Variants in SETBP1 observed in about 807,000 individuals in gnomAD.
SETBP1 encodes SET binding protein 1, also known as SET-binding protein.
In SETBP1, 9 loss-of-function variants were observed where a neutral mutation model predicts 101.0. That is an observed-to-expected ratio of 0.09 (90% CI 0.05 to 0.16). The LOEUF (loss-of-function observed/expected upper bound fraction) is 0.16. Among genes scored for constraint, SETBP1 ranks in the 10% least tolerant of loss-of-function variants. The probability of loss-of-function intolerance (pLI) is 1.00; values close to 1 mark genes in which losing one functional copy is unlikely to be tolerated. For synonymous variants in SETBP1, 818 were observed against 788.5 expected, an observed-to-expected ratio of 1.04 and a Z score of -0.63; for missense variants, 1,858 against 2,033.8, an observed-to-expected ratio of 0.91 and a Z score of 1.66.
intron 2 of SETBP1, among the ~76,000 whole-genome samples, chr18:44,852,100 A>G (rs546658836): frequency 9.8e-5 from 15 of 152,374 alleles, no homozygotes; most frequent in African/African-American, 3.6e-4. Flanking sequence ...ATTAAATGGG[A>G]CAGCAGCTGC....
At chr18:44,697,870 G>T (rs1019567347) in intron 1 of SETBP1, among the ~76,000 whole-genome samples, 9 of 152,190 alleles carry the variant, frequency 5.9e-5, no homozygotes, top group African/African-American at 2.2e-4. Flanking sequence ...TTATTCATTT[G>T]TTTATTCATT....
intron 4 of SETBP1, among the ~76,000 whole-genome samples, chr18:44,964,710 A>C (rs2071683920): frequency 1.3e-5 from 2 of 152,138 alleles, no homozygotes; most frequent in African/African-American, 4.8e-5. Flanking sequence ...ACAGGTCCCC[A>C]GCTGATGGTA....
At chr18:44,851,967 G>A (rs902711227) in intron 2 of SETBP1, among the ~76,000 whole-genome samples, 7 of 152,154 alleles carry the variant, frequency 4.6e-5, no homozygotes, top group African/African-American at 4.8e-5. Flanking sequence ...CCAGGCTCAC[G>A]GCCTTCCACG....
At chr18:45,056,908 T>C (rs777022036) in intron 5 of SETBP1, among the ~76,000 whole-genome samples, 35 of 152,164 alleles carry the variant, frequency 2.3e-4, no homozygotes, top group Non-Finnish European at 4.6e-4. Flanking sequence ...GCAACTAAGA[T>C]AAAAAGTTCT....
At chr18:44,923,840 C>T (rs1466874134) in intron 3 of SETBP1, among the ~76,000 whole-genome samples, 1 of 152,172 alleles carries the variant, frequency 6.6e-6, no homozygotes, top group African/African-American at 2.4e-5. Context: ...TTCCTCCTGA[C>T]AGTGCCCTAA....
chr18:44,857,319 A>T (rs1466462255), intron 2 of SETBP1, among the ~76,000 whole-genome samples: 1 of 152,170 alleles, frequency 6.6e-6, no homozygotes, highest in Non-Finnish European at 1.5e-5. Context: ...CTCTCCCTTT[A>T]GTAATAGACA....
At chr18:44,862,873 C>T (rs947781061) in intron 2 of SETBP1, among the ~76,000 whole-genome samples, 1 of 152,048 alleles carries the variant, frequency 6.6e-6, no homozygotes, top group African/African-American at 2.4e-5. Context: ...AGGGTAGGGC[C>T]AAAGGGAAAA....
At chr18:44,816,951 G>T (rs1016676586) in intron 2 of SETBP1, among the ~76,000 whole-genome samples, 2 of 152,098 alleles carry the variant, frequency 1.3e-5, no homozygotes, top group African/African-American at 4.8e-5. Context: ...GGAAATTGAC[G>T]ATCTTCTGGG....
At chr18:44,936,223 G>C (rs896610824) in intron 3 of SETBP1, among the ~76,000 whole-genome samples, 1 of 152,198 alleles carries the variant, frequency 6.6e-6, no homozygotes, top group Non-Finnish European at 1.5e-5. Context: ...CCTGAGCAGG[G>C]AGGGCAGAGG....
intron 4 of SETBP1, among the ~76,000 whole-genome samples, chr18:45,015,097 G>A (rs978989890): frequency 5.3e-5 from 8 of 152,154 alleles, no homozygotes; most frequent in African/African-American, 1.9e-4. Flanking sequence ...AGATCAACTT[G>A]CCCTAGATTT....
At chr18:44,975,335 T>A (rs2071962314) in intron 4 of SETBP1, among the ~76,000 whole-genome samples, 1 of 152,238 alleles carries the variant, frequency 6.6e-6, no homozygotes, top group African/African-American at 2.4e-5. Context: ...AGAGATGGAA[T>A]TTAGGCTTCA....
intron 4 of SETBP1, among the ~76,000 whole-genome samples, 171 bp from the exon 5 acceptor site, chr18:45,038,314 A>G (rs1165685500): frequency 6.6e-6 from 1 of 152,110 alleles, no homozygotes; most frequent in Non-Finnish European, 1.5e-5. Context: ...CAAAAGCAAA[A>G]CCAGTCATAG....
At chr18:45,033,323 A>G (rs367699254) in intron 4 of SETBP1, among the ~76,000 whole-genome samples, 4 of 152,350 alleles carry the variant, frequency 2.6e-5, no homozygotes, top group African/African-American at 2.4e-5. Context: ...GTCCACACAT[A>G]TGATATGTGA....
intron 2 of SETBP1, among the ~76,000 whole-genome samples, chr18:44,727,941 T>C (rs1429899472): frequency 1.3e-5 from 2 of 152,126 alleles, no homozygotes; most frequent in Non-Finnish European, 2.9e-5. Flanking sequence ...AGAGCAATTG[T>C]ATCCAATAAA....
intron 4 of SETBP1, among the ~76,000 whole-genome samples, chr18:44,970,520 G>C (rs1199397712): frequency 6.6e-6 from 1 of 151,934 alleles, no homozygotes; most frequent in African/African-American, 2.4e-5. Flanking sequence ...GTTTTCAATA[G>C]AATACATCAC....
intron 4 of SETBP1, among the ~76,000 whole-genome samples, chr18:45,020,627 G>T (rs1476248657): frequency 6.6e-6 from 1 of 152,164 alleles, no homozygotes; most frequent in Non-Finnish European, 1.5e-5. Context: ...AGGCCATAAA[G>T]AAACTCAGGA....
At position 44,784,242 on chromosome 18, in the gene SETBP1, G is replaced by A. The variant is rs963996763; in HGVS notation, c.486+82410G>A. On this transcript the variant is annotated intron_variant, in intron 2 of 5. Transcript: ENST00000649279. ...ATTAATTCATTTTACTTTGTGGACT[G>A]CTTTACATTACTTTTAAGGATGTCC... Among the ~76,000 whole-genome samples, 11 of 152,180 alleles carry A rather than the reference G, an allele frequency of 7.2e-5. No individual in the cohort carries two copies. The South Asian group carries it at 2.1e-3, about 29-fold the overall frequency.
At chr18:45,022,055 A>C (rs903728450) in intron 4 of SETBP1, among the ~76,000 whole-genome samples, 1 of 152,220 alleles carries the variant, frequency 6.6e-6, no homozygotes, top group African/African-American at 2.4e-5. Flanking sequence ...AAAGTGTCTT[A>C]AAATTGCTTG....
At chr18:44,881,192 A>G (rs1459250367) in intron 3 of SETBP1, among the ~76,000 whole-genome samples, 3 of 152,186 alleles carry the variant, frequency 2.0e-5, no homozygotes, top group African/African-American at 7.2e-5. Context: ...GTCACTCACC[A>G]TGATTTTATG....
Sources: gnomAD v4.1 joint callset for allele counts (sites outside exome capture counted in the v4.1 genomes callset) on GRCh38, gnomAD v4.1.1 for gene constraint, MANE v1.5 for transcripts, NCBI Gene and HGNC (gene_info 2026-07-23, HGNC 2026-07-21) for gene names.